The following RALGPS1 variants were observed in gnomAD, a reference collection of about 807,000 sequenced individuals.
RALGPS1 encodes the protein Ral GEF with PH domain and SH3 binding motif 1, also known as ras-specific guanine nucleotide-releasing factor RalGPS1.
A neutral mutation model predicts 78.8 loss-of-function variants in RALGPS1; 19 were observed. The ratio of observed to expected loss-of-function variants is 0.24; its 90% CI spans 0.17 to 0.35. The LOEUF is 0.35. Among genes scored for constraint, RALGPS1 ranks in the 10% least tolerant of loss-of-function variants. The pLI, the probability that RALGPS1 is intolerant of heterozygous loss-of-function variation, is 1.00. For missense variants in RALGPS1, 454 were observed against 688.3 expected (o/e 0.66, Z 3.81); for synonymous variants, 228 against 256.3 (o/e 0.89, Z 1.06).
chr9:127,169,656 A>T (rs2059464492), intron 10 of RALGPS1, among the ~76,000 whole-genome samples: 1 of 152,144 alleles, frequency 6.6e-6, no homozygotes, highest in South Asian at 2.1e-4. Context: ...CCAACTTAGG[A>T]TGGTTCAACT....
chr9:126,946,395 G>A (rs1289925853), intron 1 of RALGPS1, among the ~76,000 whole-genome samples: 1 of 151,992 alleles, frequency 6.6e-6, no homozygotes, highest in Non-Finnish European at 1.5e-5. Context: ...TTACCTGGGC[G>A]TGGTGGCACA....
intron 8 of RALGPS1, among the ~76,000 whole-genome samples, chr9:127,098,676 C>G (rs1589458392): frequency 6.6e-6 from 1 of 152,286 alleles, no homozygotes; most frequent in East Asian, 1.9e-4. Context: ...CCTTCCTCCT[C>G]TCTGGGGTTC....
rs1006286271 is a variant in RALGPS1, at chr9:127,041,664, G to A, written c.300+7150G>A. Among the ~76,000 whole-genome samples, 8 of 152,214 alleles carry A rather than the reference G, an allele frequency of 5.3e-5. No individual in the cohort carries two copies. The East Asian group carries it at 1.5e-3, about 29-fold the overall frequency. On this transcript the variant is annotated intron_variant, in intron 5 of 18. Coordinates refer to ENST00000259351, the MANE Select transcript of RALGPS1 (RefSeq NM_014636.3). Reference sequence around the variant, plus strand: ...ATTATCACACAGGAGTGGCATGTAAGTATTACAGTGACTAGAAGAGTAGGG... The same window carrying A: ...ATTATCACACAGGAGTGGCATGTAAATATTACAGTGACTAGAAGAGTAGGG...
chr9:127,095,809 T>G (rs566770795), intron 8 of RALGPS1, among the ~76,000 whole-genome samples: 1 of 152,288 alleles, frequency 6.6e-6, no homozygotes, highest in South Asian at 2.1e-4. Flanking sequence ...AGGTTTCTGG[T>G]CTCTGTTAGA....
At chr9:127,063,536 ATTAGCTC>A (rs1444986731) in intron 7 of RALGPS1, among the ~76,000 whole-genome samples, 1 of 152,194 alleles carries the variant, frequency 6.6e-6, no homozygotes, top group African/African-American at 2.4e-5. Context: ...TTTTATAAAA[ATTAGCTC>A]TTAGATTTAG....
intron 1 of RALGPS1, 79 bp downstream of exon 1, chr9:126,915,054 CCCTGAGGCCGGG>C (rs1428985465): frequency 7.1e-6 from 1 of 141,064 alleles, no homozygotes; most frequent in East Asian, 2.1e-4. Flanking sequence ...GCGGGGCGGG[CCCTGAGGCCGGG>C]CCTGAGGGAG....
At chr9:127,121,808 C>T (rs2137748044) in intron 8 of RALGPS1, among the ~76,000 whole-genome samples, 1 of 152,316 alleles carries the variant, frequency 6.6e-6, no homozygotes, top group East Asian at 1.9e-4. Context: ...AGAGGCAGCC[C>T]AGCTCCTGTA....
intron 8 of RALGPS1, among the ~76,000 whole-genome samples, chr9:127,160,175 G>T (rs894247815): frequency 1.3e-5 from 2 of 152,160 alleles, no homozygotes; most frequent in Non-Finnish European, 2.9e-5. Flanking sequence ...GGCTGCAAGC[G>T]CCCAGCTTCA....
intron 4 of RALGPS1, among the ~76,000 whole-genome samples, chr9:127,008,225 A>G (rs1340876791): frequency 6.6e-6 from 1 of 151,920 alleles, no homozygotes; most frequent in Non-Finnish European, 1.5e-5. Context: ...TGCCTGTGTG[A>G]TACCTGCATG....
chr9:127,216,973 C>G, intron 18 of RALGPS1: 1 of 1,544,176 alleles, frequency 6.5e-7, no homozygotes, highest in Non-Finnish European at 8.7e-7. Flanking sequence ...GAGGGCGGTG[C>G]GGGGAAGGAG....
intron 4 of RALGPS1, among the ~76,000 whole-genome samples, chr9:126,996,732 A>G (rs1227511416): frequency 2.0e-5 from 3 of 152,364 alleles, no homozygotes; most frequent in Non-Finnish European, 2.9e-5. Context: ...ACAACCAAAA[A>G]AGAGAATTTT....
Position 127,063,162 on chromosome 9 carries a change from T to A in RALGPS1, c.484-6068T>A, listed in dbSNP as rs2049368016. Reference sequence around the variant, plus strand: ...TCCTCATAAAGAAAATTTGGAGAAATTTTTTTCTCCTCCATGGAGACAACT... The same window carrying A: ...TCCTCATAAAGAAAATTTGGAGAAAATTTTTTCTCCTCCATGGAGACAACT... On this transcript the variant is annotated intron_variant, in intron 7 of 18. Transcript: ENST00000259351. 2.0e-5 allele frequency among the ~76,000 whole-genome samples: 3 copies of A among 152,256 alleles called. No individual in the cohort carries two copies. The South Asian group carries it at 6.2e-4, about 32-fold the overall frequency.
chr9:127,198,272 C>A (rs2061445139), intron 13 of RALGPS1, among the ~76,000 whole-genome samples: 1 of 152,198 alleles, frequency 6.6e-6, no homozygotes, highest in Admixed American at 6.5e-5. Context: ...GGCCTGGGAT[C>A]TCCTCCCTCC....
chr9:127,050,150 A>G lies in RALGPS1; in HGVS notation c.390+18A>G. 1 of 1,575,262 alleles carries G rather than the reference A, an allele frequency of 6.3e-7. No individual in the cohort carries two copies. Among genetic ancestry groups the G allele is most frequent in the South Asian group, 1.1e-5 (1 of 90,242 alleles). On this transcript the variant is annotated intron_variant, in intron 6 of 18. Transcript: ENST00000259351. The stretch of plus-strand genomic sequence containing the variant: ...TAGCCAAGGTAAGCTTTTTATTATT[A>G]TTTTTCCTTCCTTTCCCTCTTCTCT...
At position 127,108,279 on chromosome 9, in the gene RALGPS1, G is replaced by A. The variant is rs377308519; in HGVS notation, c.610+38923G>A. The A allele has an allele frequency of 5.6e-5, 90 of 1,614,008 alleles. No homozygotes were observed. The East Asian group carries it at 7.1e-4, about 13-fold the overall frequency. ...TCTCCAGCTGGGAGAGCTCCAACGC[G>A]TTGTCCCGCTTGCGGATGATCTCGT... On this transcript the variant is annotated intron_variant, in intron 8 of 18. Transcript: ENST00000259351.
rs896701364 is a variant in RALGPS1, at chr9:127,158,773, G to A, written c.611-7296G>A. On this transcript the variant is annotated intron_variant, in intron 8 of 18. Coordinates refer to ENST00000259351, the MANE Select transcript of RALGPS1 (RefSeq NM_014636.3). ...ATTTGAGGCTGTGGACTTTTCTCTC[G>A]GTGGTTACATGGCCTTGCATCATTG... Among the ~76,000 whole-genome samples the A allele has an allele frequency of 3.5e-5, 5 of 143,524 alleles. No individual in the cohort carries two copies. In the East Asian group the frequency reaches 8.2e-4, roughly 24 times the overall value. The allele number at this position is 143,524 out of a possible 152,430, so 94.2% of individuals were successfully genotyped here. A position where few individuals can be genotyped will look rare whatever the true frequency, so the allele number is the denominator to read the frequency against.
At chr9:126,979,529 A>G (rs1416353325) in intron 4 of RALGPS1, among the ~76,000 whole-genome samples, 2 of 152,178 alleles carry the variant, frequency 1.3e-5, no homozygotes, top group African/African-American at 4.8e-5. Flanking sequence ...TTAGACATTT[A>G]GGGCTTTATT....
intron 14 of RALGPS1, chr9:127,210,905 C>T (rs2062215175): frequency 1.3e-6 from 1 of 773,190 alleles, no homozygotes; most frequent in African/African-American, 1.8e-5. Context: ...GAGTCTACTG[C>T]CAGGTGCACT....
intron 4 of RALGPS1, among the ~76,000 whole-genome samples, chr9:127,000,919 A>T (rs1030228486): frequency 6.6e-6 from 1 of 151,678 alleles, no homozygotes; most frequent in Admixed American, 6.6e-5. Flanking sequence ...ATTTAAATTT[A>T]TTGAGACTAG....
Sources: gnomAD v4.1 joint callset for allele counts (sites outside exome capture counted in the v4.1 genomes callset) on GRCh38, gnomAD v4.1.1 for gene constraint, MANE v1.5 for transcripts, NCBI Gene and HGNC (gene_info 2026-07-23, HGNC 2026-07-21) for gene names.